The following CACNA1D variants were observed in gnomAD, a reference collection of about 807,000 sequenced individuals.
CACNA1D encodes voltage-dependent L-type calcium channel subunit alpha-1D.
Under a neutral mutation model 257.1 loss-of-function variants are expected in CACNA1D, and 55 were observed. That is an observed-to-expected ratio of 0.21 (90% confidence interval 0.17 to 0.27). CACNA1D has a LOEUF of 0.27. Ranked by LOEUF, CACNA1D falls within the 10% of genes least tolerant of loss-of-function variation. The probability of loss-of-function intolerance (pLI) is 1.00; values close to 1 mark genes in which losing one functional copy is unlikely to be tolerated. For missense variants in CACNA1D, 1,876 were observed against 2,784.0 expected (o/e 0.67, Z 7.34); for synonymous variants, 980 against 1,014.9 (o/e 0.97, Z 0.65).
rs151299895 is a variant in CACNA1D, at chr3:53,778,169, C to G, written c.4587+1213C>G. Among the ~76,000 whole-genome samples, 1,471 of 152,242 alleles carry G rather than the reference C, an allele frequency of 9.7e-3. 14 individuals carry two copies. Among genetic ancestry groups the G allele is most frequent in the Middle Eastern group, 0.02 (6 of 294 alleles). ...TTAGGGTCCTTGCCTCTCTTCAGGCCGGACTCTGGATATTGAAACAGAGCT... is the reference window on the plus strand; with the variant it reads ...TTAGGGTCCTTGCCTCTCTTCAGGCGGGACTCTGGATATTGAAACAGAGCT... On this transcript the variant is annotated intron_variant, in intron 37 of 47. Coordinates refer to ENST00000350061, the MANE Select transcript of CACNA1D (RefSeq NM_001128840.3).
intron 3 of CACNA1D, among the ~76,000 whole-genome samples, chr3:53,620,520 G>A (rs565742309): frequency 3.3e-5 from 5 of 152,276 alleles, no homozygotes; most frequent in African/African-American, 9.6e-5. Flanking sequence ...TCAAACTCTT[G>A]CGCTCAAAGG....
chr3:53,650,976 G>T (rs55873110), intron 4 of CACNA1D, 58 bp downstream of exon 4: 477 of 1,441,034 alleles, frequency 3.3e-4, no homozygotes, highest in Admixed American at 4.5e-4. Flanking sequence ...TGGAGGTTGG[G>T]GGGGGTGGTG....
chr3:53,517,760 G>A (rs979099808), intron 3 of CACNA1D, among the ~76,000 whole-genome samples: 1 of 152,136 alleles, frequency 6.6e-6, no homozygotes, highest in Non-Finnish European at 1.5e-5. Flanking sequence ...GGGATTACAG[G>A]CATGAGCCAC....
At chr3:53,542,967 GC>G (rs1559816022) in intron 3 of CACNA1D, among the ~76,000 whole-genome samples, 5 of 151,466 alleles carry the variant, frequency 3.3e-5, no homozygotes, top group Admixed American at 3.3e-4. Context: ...CAGGAGAATC[GC>G]TTGAACCCGG....
chr3:53,599,452 C>G (rs922474204), intron 3 of CACNA1D, among the ~76,000 whole-genome samples: 13 of 151,758 alleles, frequency 8.6e-5, no homozygotes, highest in Non-Finnish European at 1.5e-4. Flanking sequence ...TTTGCTTTTG[C>G]TTTTTGAAAG....
intron 17 of CACNA1D, 81 bp downstream of exon 17, chr3:53,731,227 G>T (rs749802818): frequency 3.6e-5 from 32 of 897,966 alleles, no homozygotes; most frequent in Non-Finnish European, 5.3e-5. Flanking sequence ...TTACACTGTG[G>T]AAGTGTCTTG....
At chr3:53,806,651 T>TTCTGAG (rs1456698079) in intron 45 of CACNA1D, among the ~76,000 whole-genome samples, 9 of 152,204 alleles carry the variant, frequency 5.9e-5, no homozygotes, top group African/African-American at 2.2e-4. Flanking sequence ...ACACATCGGC[T>TTCTGAG]TCTGAGTCTG....
At chr3:53,691,749 A>AAT (rs1407532712) in intron 8 of CACNA1D, among the ~76,000 whole-genome samples, 34 of 50,014 alleles carry the variant, frequency 6.8e-4, no homozygotes, top group African/African-American at 1.5e-3. Flanking sequence ...TTACATATAT[A>AAT]ATATATATTA....
At chr3:53,733,084 C>T in intron 19 of CACNA1D, 122 bp downstream of exon 19, 1 of 913,376 alleles carries the variant, frequency 1.1e-6, no homozygotes, top group East Asian at 2.6e-5. Context: ...ACCTGAGTGT[C>T]CCTGGCGCCC....
intron 38 of CACNA1D, 80 bp downstream of exon 38, chr3:53,780,208 C>G (rs2095418713): frequency 1.7e-6 from 2 of 1,166,914 alleles, no homozygotes; most frequent in South Asian, 1.2e-5. Context: ...CTCATCTGGG[C>G]CTTTTCTTGG....
At chr3:53,690,350 G>C (rs2094508037) in intron 8 of CACNA1D, among the ~76,000 whole-genome samples, 1 of 152,216 alleles carries the variant, frequency 6.6e-6, no homozygotes, top group African/African-American at 2.4e-5. Flanking sequence ...CCAATGCTGA[G>C]TGGAACAATG....
At chr3:53,610,704 T>TC (rs1375250654) in intron 3 of CACNA1D, among the ~76,000 whole-genome samples, 11 of 152,238 alleles carry the variant, frequency 7.2e-5, no homozygotes, top group Non-Finnish European at 1.5e-4. Flanking sequence ...TTGTTCCTTT[T>TC]CCCCTTTTTC....
At chr3:53,768,090 C>T (rs1168817931) in intron 30 of CACNA1D, among the ~76,000 whole-genome samples, 5 of 152,184 alleles carry the variant, frequency 3.3e-5, no homozygotes, top group South Asian at 4.1e-4. Flanking sequence ...ATGTACACTT[C>T]GAAATTCAGT....
chr3:53,549,868 C>A (rs983163509), intron 3 of CACNA1D, among the ~76,000 whole-genome samples: 1 of 152,138 alleles, frequency 6.6e-6, no homozygotes, highest in African/African-American at 2.4e-5. Flanking sequence ...TGCCTGTTCA[C>A]CTTGACCCTT....
At chr3:53,798,769 T>G (rs1168768511) in intron 40 of CACNA1D, among the ~76,000 whole-genome samples, 1 of 152,186 alleles carries the variant, frequency 6.6e-6, no homozygotes, top group Non-Finnish European at 1.5e-5. Context: ...GCACTGGCAT[T>G]GGCAACTGCA....
chr3:53,575,857 T>TA, intron 3 of CACNA1D, among the ~76,000 whole-genome samples: 1 of 152,356 alleles, frequency 6.6e-6, no homozygotes, highest in East Asian at 1.9e-4. Context: ...TATTTGATGA[T>TA]ACTGGCAAAA....
chr3:53,810,783 A>C (rs918613782), intron 47 of CACNA1D, among the ~76,000 whole-genome samples: 14 of 146,170 alleles, frequency 9.6e-5, no homozygotes, highest in African/African-American at 3.7e-4. Context: ...AAAAAAAAAA[A>C]AAACAAAAAC....
intron 39 of CACNA1D, chr3:53,786,541 A>G: frequency 2.4e-6 from 1 of 421,884 alleles, no homozygotes; most frequent in Non-Finnish European, 4.4e-6. Flanking sequence ...AGTGTTACTA[A>G]TATGCTGCTC....
At chr3:53,658,210 G>A (rs1300678995) in intron 4 of CACNA1D, among the ~76,000 whole-genome samples, 1 of 149,508 alleles carries the variant, frequency 6.7e-6, no homozygotes, top group Non-Finnish European at 1.5e-5. Flanking sequence ...TTTTTTGAGA[G>A]GCGTGGTGGT....
Sources: gnomAD v4.1 joint callset for allele counts (sites outside exome capture counted in the v4.1 genomes callset) on GRCh38, gnomAD v4.1.1 for gene constraint, MANE v1.5 for transcripts, NCBI Gene and HGNC (gene_info 2026-07-23, HGNC 2026-07-21) for gene names.